Variants in CELSR2 observed in about 807,000 individuals in gnomAD.
CELSR2 encodes cadherin EGF LAG seven-pass G-type receptor 2.
A neutral mutation model predicts 251.6 loss-of-function variants in CELSR2; 81 were observed. The observed-to-expected ratio is 0.32, with a 90% CI of 0.27 to 0.39. The LOEUF (loss-of-function observed/expected upper bound fraction) is 0.39, where lower values mean the gene tolerates loss of function less well. Among genes scored for constraint, CELSR2 ranks in the 10% least tolerant of loss-of-function variants. The probability of loss-of-function intolerance (pLI) is 1.00; values close to 1 mark genes in which losing one functional copy is unlikely to be tolerated. For missense variants in CELSR2, 3,365 were observed against 3,947.7 expected, an observed-to-expected ratio of 0.85 and a Z score of 3.96; for synonymous variants, 1,721 against 1,670.5, an observed-to-expected ratio of 1.03 and a Z score of -0.74.
At chr1:109,270,762 C>T in intron 24 of CELSR2, 162 bp downstream of exon 24, 1 of 1,051,222 alleles carries the variant, frequency 9.5e-7, no homozygotes. Context: ...CTGCAGCCGC[C>T]ACCCAGGCGT....
At chr1:109,254,917 G>T (rs1045267758) in intron 1 of CELSR2, among the ~76,000 whole-genome samples, 3 of 152,226 alleles carry the variant, frequency 2.0e-5, no homozygotes, top group Non-Finnish European at 2.9e-5. Context: ...AGACAAGTGG[G>T]AAGGAGGTGG....
rs1655944544 is a variant in CELSR2, at chr1:109,259,048, C to G, written c.3927C>G (p.Gly1309=). ...PHGRCRSREG[G]YTCLCRDGYT... ...GGCGCTGCCGCAGCCGCGAGGGCGGCTACACCTGCCTCTGTCGTGATGGCT... is the reference window on the plus strand; with the variant it reads ...GGCGCTGCCGCAGCCGCGAGGGCGGGTACACCTGCCTCTGTCGTGATGGCT... Residue 1309 remains glycine (G), a synonymous_variant, in exon 2 of 34, where the codon GGC becomes GGG. Transcript: ENST00000271332. The G allele has an allele frequency of 1.3e-6, 2 of 1,592,430 alleles. No homozygotes were observed. The highest frequency in any genetic ancestry group is 2.2e-5 in the East Asian group (1 of 44,514).
chr1:109,272,248 C>G, intron 28 of CELSR2, 30 bp from the exon 29 acceptor site: 7 of 1,539,912 alleles, frequency 4.5e-6, no homozygotes, highest in Non-Finnish European at 6.1e-6. Context: ...TCCCACTCCC[C>G]ACTTACTGAC....
At position 109,251,652 on chromosome 1, in the gene CELSR2, C is replaced by G. The variant is rs745580418; in HGVS notation, c.1573C>G (p.Leu525Val). 6.2e-7 allele frequency: 1 copy of G among 1,613,938 alleles called. No individual in the cohort carries two copies. The highest frequency in any genetic ancestry group is 8.5e-7 in the Non-Finnish European group (1 of 1,179,892). ...GAGTGTCCCCTTAGGCTACCTGGTT[C>G]TCCATGTCCAGGCTATCGACGCTGA... ...LESVPLGYLV[L>V]HVQAIDADAG... is the part of the protein sequence containing the mutation. The change falls in exon 1 of 34, where the codon CTC becomes GTC. Residue 525 changes from leucine (L) to valine (V), a missense_variant. Leu to Val is a conservative substitution (Grantham distance 32). This residue lies in a region of CELSR2 where 704 missense variants were observed against 784.1 expected (regional missense o/e 0.90). Coordinates refer to ENST00000271332, the MANE Select transcript of CELSR2 (RefSeq NM_001408.3). This position sits in a 1 kb window ranked among gnomAD's most constrained non-coding sequence, Gnocchi z 4.9.
chr1:109,252,557 G>A lies in CELSR2; in HGVS notation c.2478G>A (p.Glu826=), dbSNP rs373423391. ...LRDSYQGSVY[E]DVPPFTSVLQ... is the part of the protein sequence containing the mutation. ...ACTCCTACCAGGGCAGTGTCTATGA[G>A]GATGTGCCACCCTTCACTAGCGTCC... Residue 826 remains glutamate, a synonymous_variant, in exon 1 of 34, where the codon GAG becomes GAA. Transcript: ENST00000271332. This position sits in a 1 kb window ranked among gnomAD's most constrained non-coding sequence, Gnocchi z 4.8. 20 of 1,613,780 alleles carry A rather than the reference G, an allele frequency of 1.2e-5. No individual in the cohort carries two copies. In the African/African-American group the frequency reaches 2.5e-4, roughly 20 times the overall value.
intron 28 of CELSR2, 88 bp downstream of exon 28, chr1:109,271,810 T>C (rs1656380256): frequency 6.8e-7 from 1 of 1,475,252 alleles, no homozygotes; most frequent in Non-Finnish European, 9.2e-7. Context: ...CCACTCCCCT[T>C]TCTCTTTTCT....
At position 109,249,708 on chromosome 1, in the gene CELSR2, G is replaced by C. The variant is rs1417860641; in HGVS notation, c.-372G>C. ...GGGGCGCACGGCTACGCGGGCGCAG[G>C]TGGGCGATCCCATAGGGGCGGAGGG... On this transcript the variant is annotated 5_prime_UTR_variant, in exon 1 of 34. Transcript: ENST00000271332. 6.7e-6 allele frequency among the ~76,000 whole-genome samples: 1 copy of C among 148,366 alleles called. No homozygotes were observed. Among genetic ancestry groups the C allele is most frequent in the African/African-American group, 2.4e-5 (1 of 40,988 alleles).
chr1:109,270,616 C>G lies in CELSR2; in HGVS notation c.7483+16C>G, dbSNP rs771419436. ...TTCATCACAGGTACTCCCACCCATTCCCAGTCTTGGGGTCCCACATCCCTG... is the reference window on the plus strand; with the variant it reads ...TTCATCACAGGTACTCCCACCCATTGCCAGTCTTGGGGTCCCACATCCCTG... On this transcript the variant is annotated intron_variant, in intron 24 of 33. Coordinates refer to ENST00000271332, the MANE Select transcript of CELSR2 (RefSeq NM_001408.3). 2 of 496,164 alleles carry G rather than the reference C, an allele frequency of 4.0e-6. No homozygotes were observed. The highest frequency in any genetic ancestry group is 5.9e-6 in the Non-Finnish European group (2 of 338,898). The allele number at this position is 496,164 out of a possible 1,614,324, so 30.7% of individuals were successfully genotyped here.
In CELSR2 at chr1:109,250,938, C is replaced by T; in HGVS notation, c.859C>T (p.Pro287Ser). 1 of 1,613,800 alleles carries T rather than the reference C, an allele frequency of 6.2e-7. No individual in the cohort carries two copies. Among genetic ancestry groups the T allele is most frequent in the Non-Finnish European group, 8.5e-7 (1 of 1,180,034 alleles). ...GGTTACTGACACCAATGACCATGACCCTGTGTTCGAGCAGCAGGAGTACAA... is the reference window on the plus strand; with the variant it reads ...GGTTACTGACACCAATGACCATGACTCTGTGTTCGAGCAGCAGGAGTACAA... ...ILVTDTNDHD[P>S]VFEQQEYKES... The change falls in exon 1 of 34, where the codon CCT becomes TCT. Residue 287 changes from proline (P) to serine (S), a missense_variant. By Grantham distance (74) the Pro-to-Ser change is moderately conservative. Around this residue, in one of 5 missense-constraint regions of CELSR2, gnomAD observed 704 missense variants for 784.1 expected, o/e 0.90. Coordinates refer to ENST00000271332, the MANE Select transcript of CELSR2 (RefSeq NM_001408.3). The surrounding 1 kb of genome is among the most constrained non-coding windows in gnomAD (Gnocchi z 4.4).
At chr1:109,266,000 T>C in intron 14 of CELSR2, 82 bp downstream of exon 14, 1 of 1,582,426 alleles carries the variant, frequency 6.3e-7, no homozygotes. Context: ...AAGGGGCTGG[T>C]TGCAGGCCTG....
In CELSR2 at chr1:109,252,918, G is replaced by A; in HGVS notation, c.2839G>A (p.Asp947Asn). Residue 947 changes from aspartate (D) to asparagine (N), a missense_variant, in exon 1 of 34, where the codon GAC becomes AAC. Around this residue, in one of 5 missense-constraint regions of CELSR2, gnomAD observed 505 missense variants for 660.0 expected, o/e 0.77. Transcript: ENST00000271332. This position sits in a 1 kb window ranked among gnomAD's most constrained non-coding sequence, Gnocchi z 4.8. ...GLAVARVTAT[D>N]PDEGTNAQIM... ...AGCCGTGGCCCGGGTCACAGCCACT[G>A]ACCCCGATGAAGGCACCAATGCCCA... 1 of 1,612,634 alleles carries A rather than the reference G, an allele frequency of 6.2e-7. No homozygotes were observed. Among genetic ancestry groups the A allele is most frequent in the South Asian group, 1.1e-5 (1 of 90,848 alleles).
chr1:109,253,336 G>C lies in CELSR2; in HGVS notation c.3257G>C (p.Arg1086Pro), dbSNP rs376717767. The C allele has an allele frequency of 1.9e-6, 3 of 1,613,374 alleles. No homozygotes were observed. In the South Asian group the frequency reaches 3.3e-5, roughly 18 times the overall value. The part of the protein sequence containing the change: ...NASTGELKLS[R>P]ALDNNRPLEA... ...TCCACGGGTGAGCTGAAGCTAAGCCGCGCACTGGACAACAACCGGCCTCTG... is the reference window on the plus strand; with the variant it reads ...TCCACGGGTGAGCTGAAGCTAAGCCCCGCACTGGACAACAACCGGCCTCTG... Residue 1086 changes from arginine to proline, a missense_variant, in exon 1 of 34, where the codon CGC becomes CCC. This residue lies in a region of CELSR2 where 505 missense variants were observed against 660.0 expected (regional missense o/e 0.77). Transcript: ENST00000271332.
At position 109,258,768 on chromosome 1, in the gene CELSR2, T is replaced by C; in HGVS notation, c.3647T>C (p.Leu1216Pro). 6.3e-7 allele frequency: 1 copy of C among 1,596,828 alleles called. No homozygotes were observed. Among genetic ancestry groups the C allele is most frequent in the South Asian group, 1.1e-5 (1 of 88,518 alleles). ...CGCCTATACCTCAACCGCAGCCTGC[T>C]GACGGCCATCTCGGCACAGCGCGTG... is the stretch of plus-strand genomic sequence containing the variant. The part of the protein sequence containing the change: ...QERLYLNRSL[L>P]TAISAQRVLP... Residue 1216 changes from leucine to proline, a missense_variant, in exon 2 of 34, where the codon CTG becomes CCG. Physicochemically the swap from Leu to Pro is moderately conservative, Grantham distance 98. Transcript: ENST00000271332.
In CELSR2 at chr1:109,274,300, A is replaced by C. The variant is rs968298726; in HGVS notation, c.*251A>C. 6.5e-5 allele frequency: 50 copies of C among 774,096 alleles called. No homozygotes were observed. Among genetic ancestry groups the C allele is most frequent in the Non-Finnish European group, 9.4e-5 (49 of 521,786 alleles). 48.0% of individuals were successfully genotyped at this position (774,096 alleles called of 1,614,324 possible). ...CCCCTGGGGCCAACATCTCCAAGAC[A>C]AAGTTTTTCAGAAAAGAGGAAAAAA... On this transcript the variant is annotated 3_prime_UTR_variant, in exon 34 of 34. Coordinates refer to ENST00000271332, the MANE Select transcript of CELSR2 (RefSeq NM_001408.3).
At chr1:109,263,825 G>A in intron 9 of CELSR2, 48 bp downstream of exon 9, 1 of 1,590,272 alleles carries the variant, frequency 6.3e-7, no homozygotes, top group Non-Finnish European at 8.5e-7. Flanking sequence ...TAGGGCCCTG[G>A]TAGCCTCTAG....
Position 109,269,388 on chromosome 1 carries a change from G to T in CELSR2, c.6813-36G>T, listed in dbSNP as rs762555598. 60 of 1,610,908 alleles carry T rather than the reference G, an allele frequency of 3.7e-5. No homozygotes were observed. The South Asian group carries it at 6.6e-4, about 18-fold the overall frequency. On this transcript the variant is annotated intron_variant, in intron 20 of 33. Coordinates refer to ENST00000271332, the MANE Select transcript of CELSR2 (RefSeq NM_001408.3). The surrounding 1 kb of genome is among the most constrained non-coding windows in gnomAD (Gnocchi z 6.4). ...GGGGCGTCTCCCCAGTCATGTGACT[G>T]CCGTGGTGACTGTGCACCTGACTGC...
At position 109,253,319 on chromosome 1, in the gene CELSR2, T is replaced by A. The variant is rs1338273289; in HGVS notation, c.3240T>A (p.Gly1080=). 1 of 1,613,362 alleles carries A rather than the reference T, an allele frequency of 6.2e-7. No homozygotes were observed. The highest frequency in any genetic ancestry group is 1.1e-5 in the South Asian group (1 of 91,074). The stretch of plus-strand genomic sequence containing the variant: ...TGGTCCTGCTCAATGCCTCCACGGG[T>A]GAGCTGAAGCTAAGCCGCGCACTGG... The part of the protein sequence containing the change: ...LSLVLLNAST[G]ELKLSRALDN... The change falls in exon 1 of 34, where the codon GGT becomes GGA. Residue 1080 remains glycine (G), a synonymous_variant. Transcript: ENST00000271332.
In CELSR2 at chr1:109,267,617, T is replaced by A; in HGVS notation, c.6083T>A (p.Ile2028Asn). ...LPPNLFNCTS[I>N]TFSELKGFAE... ...CCAAACCTCTTCAACTGCACGTCCA[T>A]CACCTTCTCAGAACTGAAGGGCTTC... The change falls in exon 16 of 34, where the codon ATC becomes AAC. Residue 2028 changes from isoleucine (I) to asparagine (N), a missense_variant. By Grantham distance (149) the Ile-to-Asn change is moderately radical. Coordinates refer to ENST00000271332, the MANE Select transcript of CELSR2 (RefSeq NM_001408.3). The A allele has an allele frequency of 6.2e-7, 1 of 1,614,208 alleles. No individual in the cohort carries two copies. The highest frequency in any genetic ancestry group is 1.3e-5 in the African/African-American group (1 of 75,056).
At chr1:109,264,685 G>C (rs759811473) in intron 11 of CELSR2, 57 bp downstream of exon 11, 1 of 1,591,022 alleles carries the variant, frequency 6.3e-7, no homozygotes, top group South Asian at 1.1e-5. Flanking sequence ...GCCACATGCT[G>C]GCTCTGCTGT....
Sources: gnomAD v4.1 joint callset for allele counts (sites outside exome capture counted in the v4.1 genomes callset) on GRCh38, gnomAD v4.1.1 for gene constraint, gnomAD v4.1.1 regional missense constraint, Gnocchi (gnomAD v3.1) non-coding constraint, MANE v1.5 for transcripts, NCBI Gene and HGNC (gene_info 2026-07-23, HGNC 2026-07-21) for gene names.